The following PIEZO2 variants were observed in gnomAD, a reference collection of about 807,000 sequenced individuals.
PIEZO2 encodes the protein piezo-type mechanosensitive ion channel component 2.
Under a neutral mutation model 337.3 loss-of-function variants are expected in PIEZO2, and 172 were observed. The ratio of observed to expected loss-of-function variants is 0.51; its 90% CI spans 0.45 to 0.58. PIEZO2 has a LOEUF of 0.58. Among genes scored for constraint, PIEZO2 ranks in the 20% least tolerant of loss-of-function variants. The probability of loss-of-function intolerance (pLI) is 0.00; values close to 1 mark genes in which losing one functional copy is unlikely to be tolerated. For missense variants in PIEZO2, 3,028 were observed against 3,391.3 expected (o/e 0.89, Z 2.66); for synonymous variants, 1,251 against 1,228.5 (o/e 1.02, Z -0.38).
In PIEZO2 at chr18:10,856,478, A is replaced by C. The variant is rs1010786370; in HGVS notation, c.703+523T>G. Among the ~76,000 whole-genome samples the C allele has an allele frequency of 1.3e-5, 2 of 152,232 alleles. No homozygotes were observed. The highest frequency in any genetic ancestry group is 2.9e-5 in the Non-Finnish European group (2 of 68,048). On this transcript the variant is annotated intron_variant, in intron 6 of 55. Coordinates refer to ENST00000674853, the MANE Select transcript of PIEZO2 (RefSeq NM_001378183.1). This position sits in a 1 kb window ranked among gnomAD's most constrained non-coding sequence, Gnocchi z 4.7. ...TGGAAGGAGGGAAAAGATCAAGATA[A>C]CATTATTATGGAATAAGCGGTCCAA...
chr18:10,684,071 T>G (rs2034401039), intron 49 of PIEZO2, among the ~76,000 whole-genome samples: 1 of 118,468 alleles, frequency 8.4e-6, no homozygotes, highest in Non-Finnish European at 1.7e-5. Context: ...CCTTCCTTCC[T>G]TCCTTTTTCC....
In PIEZO2 at chr18:11,009,046, A is replaced by G. The variant is rs1237997341; in HGVS notation, c.161-29386T>C. ...CATATTATCCTTTGTACTGTCTTGA[A>G]GATTGAATTCTGTTACTTAACTACG... On this transcript the variant is annotated intron_variant, in intron 2 of 55. Transcript: ENST00000674853. This position sits in a 1 kb window ranked among gnomAD's most constrained non-coding sequence, Gnocchi z 4.6. Among the ~76,000 whole-genome samples the G allele has an allele frequency of 6.6e-6, 1 of 152,214 alleles. No homozygotes were observed. The highest frequency in any genetic ancestry group is 1.5e-5 in the Non-Finnish European group (1 of 68,034).
chr18:10,867,298 TGCTCTTTAAAAAAAACA>T (rs1172681618), intron 5 of PIEZO2, among the ~76,000 whole-genome samples: 1 of 152,192 alleles, frequency 6.6e-6, no homozygotes, highest in Non-Finnish European at 1.5e-5. Flanking sequence ...CTTTGTCTCT[TGCTCTTTAAAAAAAACA>T]GCAACTTGAA....
At position 10,789,213 on chromosome 18, in the gene PIEZO2, C is replaced by G. The variant is rs2039329398; in HGVS notation, c.2035G>C (p.Val679Leu). ...QDIMKVLGNL[V>L]VAMFIKYWIY... ...CAGTACTTGATGAACATGGCCACCA[C>G]CAGATTGCCCAGGACTTTCATGATG... is the stretch of plus-strand genomic sequence containing the variant. The change falls in exon 15 of 56, where the codon GTG (valine) becomes CTG (leucine). Residue 679 changes from valine to leucine, a missense_variant. Val to Leu is a conservative substitution (Grantham distance 32). Transcript: ENST00000674853. 1 of 1,537,202 alleles carries G rather than the reference C, an allele frequency of 6.5e-7. No individual in the cohort carries two copies. Among genetic ancestry groups the G allele is most frequent in the Non-Finnish European group, 8.7e-7 (1 of 1,146,932 alleles).
rs563935812 is a variant in PIEZO2 at position 11,116,968 on chromosome 18, G to T, written c.64+31557C>A. On this transcript the variant is annotated intron_variant, in intron 1 of 55. Coordinates refer to ENST00000674853, the MANE Select transcript of PIEZO2 (RefSeq NM_001378183.1). This position sits in a 1 kb window ranked among gnomAD's most constrained non-coding sequence, Gnocchi z 5.0. ...TACTAAAAATATAAAAATTAGCCTG[G>T]CTTGGTGGCACGTGCCTGTAGTGCC... Among the ~76,000 whole-genome samples, 1 of 151,942 alleles carries T rather than the reference G, an allele frequency of 6.6e-6. No homozygotes were observed. Among genetic ancestry groups the T allele is most frequent in the Non-Finnish European group, 1.5e-5 (1 of 67,986 alleles).
At chr18:10,723,779 T>C (rs1479681546) in intron 36 of PIEZO2, among the ~76,000 whole-genome samples, 1 of 151,908 alleles carries the variant, frequency 6.6e-6, no homozygotes, top group Non-Finnish European at 1.5e-5. Context: ...ATCCCTCAGA[T>C]AGGGGACAAG....
In PIEZO2 at chr18:10,972,624, A is replaced by G. The variant is rs561487499; in HGVS notation, c.286+6911T>C. Among the ~76,000 whole-genome samples, 135 of 152,338 alleles carry G rather than the reference A, an allele frequency of 8.9e-4. 1 individual carries two copies. The highest frequency in any genetic ancestry group is 3.1e-3 in the African/African-American group (129 of 41,576). On this transcript the variant is annotated intron_variant, in intron 3 of 55. Transcript: ENST00000674853. ...TCTAACCACATGGAGTAGAGTAGGTACAAACCCCAATATAACAGCATTGGC... is the reference window on the plus strand; with the variant it reads ...TCTAACCACATGGAGTAGAGTAGGTGCAAACCCCAATATAACAGCATTGGC...
chr18:10,691,978 C>A (rs1037800312), intron 47 of PIEZO2, among the ~76,000 whole-genome samples: 19 of 151,670 alleles, frequency 1.3e-4, no homozygotes, highest in Non-Finnish European at 2.2e-4. Flanking sequence ...CCCAAGCCAT[C>A]ATTTCTCAAG....
rs1482250500 is a variant in PIEZO2, at chr18:10,671,130, G to A, written c.*397C>T. On this transcript the variant is annotated 3_prime_UTR_variant, in exon 56 of 56. Coordinates refer to ENST00000674853, the MANE Select transcript of PIEZO2 (RefSeq NM_001378183.1). The stretch of plus-strand genomic sequence containing the variant: ...GCAGCTTCCCCAGTGGGGATGGAGC[G>A]CTGTATATTGCATTGTAGCATCTCT... The A allele has an allele frequency of 3.7e-5, 6 of 163,340 alleles. No individual in the cohort carries two copies. In the South Asian group the frequency reaches 5.2e-4, roughly 14 times the overall value. The allele number at this position is 163,340 out of a possible 1,614,324, so 10.1% of individuals were successfully genotyped here.
At position 11,078,043 on chromosome 18, in the gene PIEZO2, CACCCACA is replaced by C; in HGVS notation, c.65-11828_65-11822del. 1.0e-5 allele frequency among the ~76,000 whole-genome samples: 1 copy of C among 98,562 alleles called. No individual in the cohort carries two copies. The highest frequency in any genetic ancestry group is 5.1e-5 in the African/African-American group (1 of 19,600). 64.7% of individuals were successfully genotyped at this position (98,562 alleles called of 152,430 possible). ...ATGTGCGTGCACACACACCCACACA[CACCCACA>C]CACACACACACACACACCACACACA... On this transcript the variant is annotated intron_variant, in intron 1 of 55. Coordinates refer to ENST00000674853, the MANE Select transcript of PIEZO2 (RefSeq NM_001378183.1). The surrounding 1 kb of genome is among the most constrained non-coding windows in gnomAD (Gnocchi z 5.3).
intron 1 of PIEZO2, among the ~76,000 whole-genome samples, chr18:11,068,163 G>A (rs6505613): frequency 0.64 from 97,184 of 152,020 alleles, 31,863 homozygotes; most frequent in East Asian, 0.97. Flanking sequence ...CTCATGATCC[G>A]CCTGCCTTGG....
chr18:10,861,556 A>G lies in PIEZO2; in HGVS notation c.493-4345T>C, dbSNP rs2144731478. ...TATACGTGGAATCTAAAGAAGTTGC[A>G]CTGATAGAAGTAGAGAGTAGAGGGG... On this transcript the variant is annotated intron_variant, in intron 5 of 55. Coordinates refer to ENST00000674853, the MANE Select transcript of PIEZO2 (RefSeq NM_001378183.1). This position sits in a 1 kb window ranked among gnomAD's most constrained non-coding sequence, Gnocchi z 4.3. Among the ~76,000 whole-genome samples, 1 of 152,334 alleles carries G rather than the reference A, an allele frequency of 6.6e-6. No homozygotes were observed. Among genetic ancestry groups the G allele is most frequent in the Non-Finnish European group, 1.5e-5 (1 of 68,030 alleles).
chr18:10,698,488 G>A (rs1485378011), intron 44 of PIEZO2, among the ~76,000 whole-genome samples: 1 of 152,090 alleles, frequency 6.6e-6, no homozygotes, highest in East Asian at 1.9e-4. Context: ...TCGTTGTTTG[G>A]GAAAAAATTA....
intron 15 of PIEZO2, 42 bp from the exon 16 acceptor site, chr18:10,787,226 C>G (rs2039255860): frequency 6.8e-7 from 1 of 1,476,888 alleles, no homozygotes; most frequent in Non-Finnish European, 8.9e-7. Context: ...GAAAAAATCA[C>G]TTTTAGGAAA....
At chr18:10,694,865 TA>T (rs1469300319) in intron 47 of PIEZO2, among the ~76,000 whole-genome samples, 4 of 151,900 alleles carry the variant, frequency 2.6e-5, no homozygotes, top group Non-Finnish European at 5.9e-5. Context: ...ATAAATTTTT[TA>T]AAAAACTAGC....
chr18:11,040,252 A>T (rs7229096), intron 2 of PIEZO2, among the ~76,000 whole-genome samples: 1 of 147,884 alleles, frequency 6.8e-6, no homozygotes, highest in Non-Finnish European at 1.5e-5. Context: ...ATTATTATTG[A>T]CACCTTACGC....
In PIEZO2 at chr18:10,748,885, G is replaced by A. The variant is rs766731102; in HGVS notation, c.4265-255C>T. On this transcript the variant is annotated intron_variant, in intron 29 of 55. Transcript: ENST00000674853. The surrounding 1 kb of genome is among the most constrained non-coding windows in gnomAD (Gnocchi z 5.1). ...TCAGGAGGGCCCTTTTTACGTGGGA[G>A]GCCTCTTGAGTATTTCTCTCTCTTA... Among the ~76,000 whole-genome samples the A allele has an allele frequency of 4.6e-5, 7 of 152,090 alleles. No homozygotes were observed. Among genetic ancestry groups the A allele is most frequent in the Non-Finnish European group, 1.0e-4 (7 of 68,030 alleles).
intron 7 of PIEZO2, among the ~76,000 whole-genome samples, chr18:10,839,355 T>C (rs1568117604): frequency 6.6e-6 from 1 of 152,228 alleles, no homozygotes; most frequent in Non-Finnish European, 1.5e-5. Context: ...GTATTTGCTG[T>C]GTCCTCTGTG....
rs1037425329 is a variant in PIEZO2, at chr18:11,078,068, C to A, written c.65-11846G>T. Among the ~76,000 whole-genome samples the A allele has an allele frequency of 4.0e-4, 60 of 149,076 alleles. No homozygotes were observed. Among genetic ancestry groups the A allele is most frequent in the Admixed American group, 9.4e-4 (14 of 14,874 alleles). On this transcript the variant is annotated intron_variant, in intron 1 of 55. Coordinates refer to ENST00000674853, the MANE Select transcript of PIEZO2 (RefSeq NM_001378183.1). This position sits in a 1 kb window ranked among gnomAD's most constrained non-coding sequence, Gnocchi z 5.3. The stretch of plus-strand genomic sequence containing the variant: ...CACCCACACACACACACACACACAC[C>A]ACACACACAAAAACAAACATACACA...
Sources: allele counts gnomAD v4.1 joint callset (sites outside exome capture counted in the v4.1 genomes callset), GRCh38; gene constraint gnomAD v4.1.1; non-coding constraint Gnocchi (gnomAD v3.1); transcripts MANE v1.5; gene names NCBI Gene and HGNC (gene_info 2026-07-23, HGNC 2026-07-21).